ERC2: variants seen among roughly 807,000 people sequenced by gnomAD.
ERC2 encodes ELKS/RAB6-interacting/CAST family member 2.
ERC2 carries 42 observed loss-of-function variants against 114.8 expected under a neutral mutation model. The ratio of observed to expected loss-of-function variants is 0.37; its 90% confidence interval spans 0.29 to 0.47. The LOEUF (loss-of-function observed/expected upper bound fraction) is 0.47. Ranked by LOEUF, ERC2 falls within the 20% of genes least tolerant of loss-of-function variation. ERC2 has a pLI of 0.99. For missense variants in ERC2, 939 were observed against 1,150.7 expected (o/e 0.82, Z 2.66); for synonymous variants, 454 against 425.5 (o/e 1.07, Z -0.82).
chr3:56,152,417 A>AGG (rs34369328), intron 4 of ERC2, among the ~76,000 whole-genome samples: 118 of 149,438 alleles, frequency 7.9e-4, no homozygotes, highest in African/African-American at 2.3e-3. Flanking sequence ...TTTAAAATGA[A>AGG]GGGGGGGGGG....
At chr3:55,621,241 T>TA (rs1254122851) in intron 17 of ERC2, among the ~76,000 whole-genome samples, 3 of 151,988 alleles carry the variant, frequency 2.0e-5, no homozygotes, top group Non-Finnish European at 4.4e-5. Context: ...CTTGAGACAC[T>TA]ACTATAAAAC....
At chr3:55,803,738 A>G (rs140676491) in intron 14 of ERC2, among the ~76,000 whole-genome samples, 2 of 152,314 alleles carry the variant, frequency 1.3e-5, no homozygotes, top group East Asian at 3.8e-4. Context: ...ACAGTCATGG[A>G]ATATTGGTTC....
intron 14 of ERC2, among the ~76,000 whole-genome samples, chr3:55,748,432 C>T (rs1299826678): frequency 6.6e-6 from 1 of 152,220 alleles, no homozygotes; most frequent in Non-Finnish European, 1.5e-5. Flanking sequence ...GCTTCTCTAA[C>T]AGCAGAACTC....
intron 2 of ERC2, among the ~76,000 whole-genome samples, chr3:56,325,497 C>T (rs973139664): frequency 4.6e-5 from 7 of 151,946 alleles, no homozygotes; most frequent in Non-Finnish European, 8.8e-5. Context: ...CAATGCTGCA[C>T]AACACAACCA....
At chr3:55,975,088 T>C (rs1004662609) in intron 12 of ERC2, among the ~76,000 whole-genome samples, 1 of 152,114 alleles carries the variant, frequency 6.6e-6, no homozygotes, top group African/African-American at 2.4e-5. Flanking sequence ...CACTACTTAA[T>C]AGCTGTATAA....
chr3:55,924,197 C>T lies in ERC2; in HGVS notation c.2403+26228G>A, dbSNP rs566082944. Among the ~76,000 whole-genome samples the T allele has an allele frequency of 5.9e-5, 9 of 152,188 alleles. No individual in the cohort carries two copies. The South Asian group carries it at 1.9e-3, about 32-fold the overall frequency. On this transcript the variant is annotated intron_variant, in intron 13 of 17. Coordinates refer to ENST00000288221, the MANE Select transcript of ERC2 (RefSeq NM_015576.3). Reference sequence around the variant, plus strand: ...AATATACTGGTAGAATTAAAGCTGTCCTTAGGAAAGTCCTCACTGTCTTCT... The same window carrying T: ...AATATACTGGTAGAATTAAAGCTGTTCTTAGGAAAGTCCTCACTGTCTTCT...
chr3:56,264,557 A>C (rs1251174576), intron 3 of ERC2, among the ~76,000 whole-genome samples: 3 of 151,218 alleles, frequency 2.0e-5, no homozygotes, highest in African/African-American at 7.3e-5. Context: ...AGATTACACC[A>C]CTGCACTCCA....
chr3:56,172,189 A>G (rs2082715362), intron 4 of ERC2, among the ~76,000 whole-genome samples: 1 of 152,116 alleles, frequency 6.6e-6, no homozygotes, highest in Non-Finnish European at 1.5e-5. Flanking sequence ...AAAACAACTG[A>G]TGAGCCAGGG....
At chr3:56,226,680 C>A (rs1209776875) in intron 3 of ERC2, among the ~76,000 whole-genome samples, 3 of 152,096 alleles carry the variant, frequency 2.0e-5, no homozygotes, top group Non-Finnish European at 2.9e-5. Context: ...CCACCCTACT[C>A]CCAGGCTACA....
intron 13 of ERC2, among the ~76,000 whole-genome samples, chr3:55,919,164 A>G (rs553576478): frequency 1.3e-4 from 20 of 152,304 alleles, no homozygotes; most frequent in African/African-American, 4.3e-4. Context: ...GGATTGCTTG[A>G]GGCCAGGAGT....
At chr3:56,190,675 G>C (rs115370632) in intron 3 of ERC2, among the ~76,000 whole-genome samples, 4,601 of 152,208 alleles carry the variant, frequency 0.03, 237 homozygotes, top group African/African-American at 0.11. Flanking sequence ...CTGGGTTCAA[G>C]TGATCCTCCC....
At chr3:55,947,360 T>A (rs2067189250) in intron 13 of ERC2, among the ~76,000 whole-genome samples, 1 of 152,192 alleles carries the variant, frequency 6.6e-6, no homozygotes, top group Non-Finnish European at 1.5e-5. Flanking sequence ...CCAGGGCTTG[T>A]CTCTTTTGAT....
At chr3:56,340,518 G>C (rs992404101) in intron 2 of ERC2, among the ~76,000 whole-genome samples, 1 of 144,700 alleles carries the variant, frequency 6.9e-6, no homozygotes, top group Non-Finnish European at 1.5e-5. Context: ...GTGTGTTTGT[G>C]TGTGAGAGAG....
At chr3:56,153,451 C>T (rs1283385519) in intron 4 of ERC2, among the ~76,000 whole-genome samples, 1 of 152,070 alleles carries the variant, frequency 6.6e-6, no homozygotes, top group African/African-American at 2.4e-5. Flanking sequence ...CTGTACATGT[C>T]CAGAAGACAC....
chr3:56,019,106 T>A, intron 7 of ERC2, 75 bp from the exon 8 acceptor site: 2 of 1,169,024 alleles, frequency 1.7e-6, no homozygotes, highest in Non-Finnish European at 2.4e-6. Flanking sequence ...GTGGATCTAT[T>A]AATAAAAAAA....
intron 15 of ERC2, among the ~76,000 whole-genome samples, chr3:55,709,459 G>A (rs373579283): frequency 1.9e-4 from 29 of 152,290 alleles, no homozygotes; most frequent in African/African-American, 5.8e-4. Context: ...CAAAATGTCT[G>A]AAGCTTGAGA....
chr3:56,240,041 C>A (rs1201742270), intron 3 of ERC2, among the ~76,000 whole-genome samples: 2 of 152,086 alleles, frequency 1.3e-5, no homozygotes, highest in African/African-American at 4.8e-5. Context: ...TTAGGCCAGT[C>A]CTGCATAAAG....
chr3:55,860,960 A>T (rs569126260), intron 14 of ERC2, among the ~76,000 whole-genome samples: 11 of 152,334 alleles, frequency 7.2e-5, no homozygotes, highest in African/African-American at 2.6e-4. Context: ...TTCAGTCTGC[A>T]ACGGGGGAAA....
chr3:56,051,936 G>A lies in ERC2; in HGVS notation c.1641+28881C>T, dbSNP rs540344689. Among the ~76,000 whole-genome samples the A allele has an allele frequency of 2.4e-3, 371 of 151,620 alleles. 2 individuals are homozygous for A. The highest frequency in any genetic ancestry group is 8.5e-3 in the African/African-American group (352 of 41,318). On this transcript the variant is annotated intron_variant, in intron 7 of 17. Transcript: ENST00000288221. ...TTAGTGTCCTAAGATGTAGAAAATA[G>A]CAACTCCTGCTGTTGTTTAGACACA... is the stretch of plus-strand genomic sequence containing the variant.
Sources: gnomAD v4.1 joint callset for allele counts (sites outside exome capture counted in the v4.1 genomes callset) on GRCh38, gnomAD v4.1.1 for gene constraint, MANE v1.5 for transcripts, NCBI Gene and HGNC (gene_info 2026-07-23, HGNC 2026-07-21) for gene names.